The following DIAPH3 variants were observed in gnomAD, a reference collection of about 807,000 sequenced individuals.
The protein encoded by DIAPH3 is protein diaphanous homolog 3.
Under a neutral mutation model 144.3 loss-of-function variants are expected in DIAPH3, and 117 were observed. That is an observed-to-expected ratio of 0.81 (90% CI 0.70 to 0.95). DIAPH3 has a LOEUF of 0.95. DIAPH3 is among the 40% of genes least tolerant of loss of function. The pLI, the probability that DIAPH3 is intolerant of heterozygous loss-of-function variation, is 0.00. For missense variants in DIAPH3, 1,421 were observed against 1,412.7 expected (o/e 1.01, Z -0.09); for synonymous variants, 519 against 488.9 (o/e 1.06, Z -0.81).
chr13:59,881,123 T>C (rs1205747495), intron 20 of DIAPH3, among the ~76,000 whole-genome samples: 2 of 151,996 alleles, frequency 1.3e-5, no homozygotes, highest in East Asian at 1.9e-4. Context: ...TAAGCAGTGA[T>C]CACTTATCAC....
chr13:59,675,379 TTTTTAA>T (rs1346891348), intron 27 of DIAPH3, among the ~76,000 whole-genome samples: 1 of 151,966 alleles, frequency 6.6e-6, no homozygotes, highest in Non-Finnish European at 1.5e-5. Context: ...TTACATGCTA[TTTTTAA>T]TTTTTTTTTT....
chr13:60,008,978 T>C (rs936059306), intron 8 of DIAPH3, among the ~76,000 whole-genome samples: 1 of 152,172 alleles, frequency 6.6e-6, no homozygotes, highest in Non-Finnish European at 1.5e-5. Flanking sequence ...ACCCGTATTA[T>C]AGATTAGGAG....
intron 7 of DIAPH3, chr13:60,013,102 T>C: frequency 1.0e-6 from 1 of 985,226 alleles, no homozygotes; most frequent in Non-Finnish European, 1.2e-6. Flanking sequence ...TAGAGAGGCA[T>C]GACAAATTTT....
chr13:60,125,638 A>G (rs1389530508), intron 2 of DIAPH3, among the ~76,000 whole-genome samples: 3 of 152,254 alleles, frequency 2.0e-5, no homozygotes, highest in African/African-American at 7.2e-5. Flanking sequence ...TGAGAGATGC[A>G]TTATCAAGTT....
At chr13:59,948,732 G>T (rs2048928394) in intron 17 of DIAPH3, among the ~76,000 whole-genome samples, 1 of 152,060 alleles carries the variant, frequency 6.6e-6, no homozygotes, top group Non-Finnish European at 1.5e-5. Flanking sequence ...AAGCACTGGG[G>T]TTGTAGGTGT....
intron 17 of DIAPH3, among the ~76,000 whole-genome samples, chr13:59,952,539 T>G (rs2049155633): frequency 6.6e-6 from 1 of 152,190 alleles, no homozygotes; most frequent in African/African-American, 2.4e-5. Context: ...TAATTTTTAC[T>G]TTCCTCCTTC....
chr13:59,930,853 C>T (rs1048878817), intron 17 of DIAPH3, among the ~76,000 whole-genome samples: 1 of 152,098 alleles, frequency 6.6e-6, no homozygotes, highest in Admixed American at 6.5e-5. Context: ...GTACCTTCAC[C>T]AAGGGCAATA....
chr13:60,129,242 C>T (rs748626386), intron 2 of DIAPH3, among the ~76,000 whole-genome samples: 3 of 152,168 alleles, frequency 2.0e-5, no homozygotes, highest in Non-Finnish European at 4.4e-5. Context: ...CTCCTCCCAA[C>T]CTTTTTGCCT....
intron 4 of DIAPH3, among the ~76,000 whole-genome samples, chr13:60,088,478 C>A (rs950910938): frequency 6.6e-6 from 1 of 152,134 alleles, no homozygotes; most frequent in Non-Finnish European, 1.5e-5. Context: ...GGTCTGCTTT[C>A]ACTTGTCTGG....
chr13:59,876,644 G>C (rs1200279922), intron 21 of DIAPH3, among the ~76,000 whole-genome samples: 1 of 152,118 alleles, frequency 6.6e-6, no homozygotes, highest in Non-Finnish European at 1.5e-5. Flanking sequence ...CACTGCAGTA[G>C]GCTATCCTAC....
At chr13:59,742,566 G>GAAAAGAA (rs1555286525) in intron 27 of DIAPH3, among the ~76,000 whole-genome samples, 3 of 132,756 alleles carry the variant, frequency 2.3e-5, no homozygotes, top group Admixed American at 1.5e-4. Context: ...GCTAAAAGAA[G>GAAAAGAA]AAAAGAAAAG....
chr13:59,926,382 C>T (rs139783191), intron 17 of DIAPH3, among the ~76,000 whole-genome samples: 1 of 152,058 alleles, frequency 6.6e-6, no homozygotes, highest in Non-Finnish European at 1.5e-5. Context: ...TGTTGTTTTC[C>T]TAGTTCCTTG....
chr13:60,057,314 T>C (rs1010162620), intron 4 of DIAPH3, among the ~76,000 whole-genome samples: 1 of 151,620 alleles, frequency 6.6e-6, no homozygotes, highest in Non-Finnish European at 1.5e-5. Flanking sequence ...TACAAAAAAA[T>C]AAAATACCAA....
intron 25 of DIAPH3, among the ~76,000 whole-genome samples, chr13:59,800,796 A>G (rs1412441521): frequency 1.3e-5 from 2 of 152,190 alleles, no homozygotes; most frequent in East Asian, 1.9e-4. Flanking sequence ...CAACGATCAT[A>G]AACAATATTT....
intron 27 of DIAPH3, among the ~76,000 whole-genome samples, chr13:59,675,721 A>G (rs538031025): frequency 2.0e-4 from 30 of 152,330 alleles, no homozygotes; most frequent in African/African-American, 7.2e-4. Flanking sequence ...GGTTTAGAGA[A>G]GTCCATGAAC....
intron 20 of DIAPH3, among the ~76,000 whole-genome samples, chr13:59,880,995 A>G (rs1337288801): frequency 2.7e-4 from 41 of 150,712 alleles, no homozygotes; most frequent in African/African-American, 7.0e-4. Context: ...AAAAAAAAAA[A>G]AAGAAGAAGA....
chr13:60,005,376 C>T (rs989338441), intron 9 of DIAPH3, among the ~76,000 whole-genome samples: 5 of 152,134 alleles, frequency 3.3e-5, no homozygotes, highest in African/African-American at 4.8e-5. Context: ...GGAGTTATAG[C>T]TAAGGGATGG....
chr13:59,896,397 C>T (rs1260342742), intron 20 of DIAPH3, among the ~76,000 whole-genome samples: 2 of 152,230 alleles, frequency 1.3e-5, no homozygotes, highest in Non-Finnish European at 1.5e-5. Context: ...TTTATCCAAA[C>T]CATCATCTTT....
intron 17 of DIAPH3, among the ~76,000 whole-genome samples, chr13:59,929,308 A>T (rs1447414780): frequency 6.6e-6 from 1 of 152,140 alleles, no homozygotes. Context: ...CATTTTTCAA[A>T]ACATTTGATA....
Sources: allele counts gnomAD v4.1 joint callset (sites outside exome capture counted in the v4.1 genomes callset), GRCh38; gene constraint gnomAD v4.1.1; transcripts MANE v1.5; gene names NCBI Gene and HGNC (gene_info 2026-07-23, HGNC 2026-07-21).